The following TNRC6B variants were observed in gnomAD, a reference collection of about 807,000 sequenced individuals.
The protein encoded by TNRC6B is trinucleotide repeat containing adaptor 6B, also known as trinucleotide repeat-containing gene 6B protein.
Under a neutral mutation model 203.6 loss-of-function variants are expected in TNRC6B, and 52 were observed. The observed-to-expected ratio is 0.26, with a 90% CI of 0.20 to 0.32. The LOEUF (loss-of-function observed/expected upper bound fraction) is 0.32. Among genes scored for constraint, TNRC6B ranks in the 10% least tolerant of loss-of-function variants. TNRC6B has a pLI of 1.00. For missense variants in TNRC6B, 1,923 were observed against 2,286.2 expected (o/e 0.84, Z 3.24); for synonymous variants, 838 against 845.7 (o/e 0.99, Z 0.16).
At chr22:40,185,874 AC>A (rs1281790729) in intron 1 of TNRC6B, among the ~76,000 whole-genome samples, 1 of 152,188 alleles carries the variant, frequency 6.6e-6, no homozygotes, top group Non-Finnish European at 1.5e-5. Flanking sequence ...TGGCCATGCA[AC>A]TAGGGACCAG....
chr22:40,114,205 AAT>A (rs2068366742), intron 1 of TNRC6B, among the ~76,000 whole-genome samples: 1 of 152,182 alleles, frequency 6.6e-6, no homozygotes, highest in African/African-American at 2.4e-5. Context: ...CAGCAAAATA[AAT>A]ATAGTTTGTT....
chr22:40,075,720 T>C (rs1370014881), intron 1 of TNRC6B, among the ~76,000 whole-genome samples: 8 of 152,200 alleles, frequency 5.3e-5, no homozygotes, highest in African/African-American at 1.9e-4. Flanking sequence ...CTGGCTTCTT[T>C]TTGATTACTT....
chr22:40,267,127 T>G, intron 5 of TNRC6B, 91 bp downstream of exon 5: 1 of 1,340,856 alleles, frequency 7.5e-7, no homozygotes, highest in Non-Finnish European at 9.9e-7. Flanking sequence ...CAACTTAGTT[T>G]TGTTCTGAGA....
chr22:40,059,974 C>A (rs976339547), intron 1 of TNRC6B, among the ~76,000 whole-genome samples: 1 of 151,598 alleles, frequency 6.6e-6, no homozygotes, highest in African/African-American at 2.4e-5. Context: ...AGGCACACAC[C>A]ACCATTGCCT....
At chr22:40,128,697 T>TA (rs796649196) in intron 3 of TNRC6B, among the ~76,000 whole-genome samples, 9 of 151,898 alleles carry the variant, frequency 5.9e-5, no homozygotes, top group African/African-American at 2.2e-4. Context: ...CTCTCTTTTT[T>TA]TTTTTGGTAG....
chr22:40,260,594 A>G (rs183799782), intron 3 of TNRC6B, among the ~76,000 whole-genome samples: 2 of 152,322 alleles, frequency 1.3e-5, no homozygotes, highest in African/African-American at 4.8e-5. Context: ...TGTTTAGCCC[A>G]TCTAGGCCAG....
At chr22:40,154,863 ATATATATAT>A (rs2068803272) in intron 3 of TNRC6B, among the ~76,000 whole-genome samples, 3 of 28,390 alleles carry the variant, frequency 1.1e-4, no homozygotes, top group Non-Finnish European at 1.7e-4. Context: ...AAAAAAAAAT[ATATATATAT>A]ATATATATAT....
intron 1 of TNRC6B, among the ~76,000 whole-genome samples, chr22:40,074,981 AAC>A (rs1218014585): frequency 6.6e-6 from 1 of 151,466 alleles, no homozygotes; most frequent in Non-Finnish European, 1.5e-5. Context: ...GTTACCATAA[AAC>A]ACATGCAATT....
intron 11 of TNRC6B, among the ~76,000 whole-genome samples, chr22:40,284,050 G>T (rs1349596211): frequency 6.6e-6 from 1 of 152,222 alleles, no homozygotes; most frequent in African/African-American, 2.4e-5. Context: ...GAGGTGATCA[G>T]GGTGGCGAAG....
At chr22:40,153,370 C>T (rs1293213724) in intron 3 of TNRC6B, among the ~76,000 whole-genome samples, 2 of 152,032 alleles carry the variant, frequency 1.3e-5, no homozygotes, top group Middle Eastern at 6.3e-3. Flanking sequence ...GTCAGCGATT[C>T]AGTGGCCTAG....
chr22:40,113,495 C>A (rs988228218), intron 1 of TNRC6B, among the ~76,000 whole-genome samples: 3 of 152,114 alleles, frequency 2.0e-5, no homozygotes, highest in African/African-American at 4.8e-5. Flanking sequence ...GGTGGGACTA[C>A]AGGTGCATAC....
intron 3 of TNRC6B, among the ~76,000 whole-genome samples, chr22:40,251,812 T>C (rs1195256070): frequency 6.6e-6 from 1 of 152,238 alleles, no homozygotes; most frequent in Non-Finnish European, 1.5e-5. Flanking sequence ...CAACAGCTTT[T>C]AATTTACAGA....
intron 1 of TNRC6B, among the ~76,000 whole-genome samples, chr22:40,063,366 C>T (rs931387248): frequency 6.6e-6 from 1 of 152,188 alleles, no homozygotes; most frequent in African/African-American, 2.4e-5. Flanking sequence ...AGTCCTCCAA[C>T]TTTGTTCTTT....
intron 3 of TNRC6B, among the ~76,000 whole-genome samples, chr22:40,132,963 A>ATATATATATATAT (rs1555884671): frequency 4.9e-5 from 4 of 80,920 alleles, no homozygotes; most frequent in African/African-American, 1.7e-4. Flanking sequence ...AAAAAAAAAA[A>ATATATATATATAT]AAAAAAATAT....
intron 1 of TNRC6B, among the ~76,000 whole-genome samples, chr22:40,048,028 C>CT (rs2067707149): frequency 6.6e-6 from 1 of 152,178 alleles, no homozygotes; most frequent in African/African-American, 2.4e-5. Flanking sequence ...TGAAAAAATA[C>CT]TTAAATGGAG....
intron 16 of TNRC6B, among the ~76,000 whole-genome samples, 185 bp from the exon 17 acceptor site, chr22:40,310,632 G>T (rs2294347): frequency 1.3e-5 from 2 of 152,178 alleles, no homozygotes; most frequent in African/African-American, 4.8e-5. Context: ...GAGGCGAAAT[G>T]ACTTGTTGTT....
At chr22:40,309,559 T>A (rs1392960967) in intron 16 of TNRC6B, among the ~76,000 whole-genome samples, 1 of 152,260 alleles carries the variant, frequency 6.6e-6, no homozygotes, top group Admixed American at 6.5e-5. Flanking sequence ...TTGTAAAATC[T>A]GTTTGTGGAC....
At chr22:40,262,738 T>C (rs780823411) in intron 4 of TNRC6B, among the ~76,000 whole-genome samples, 25 of 152,264 alleles carry the variant, frequency 1.6e-4, no homozygotes, top group Admixed American at 5.2e-4. Context: ...AAGGTTCTAC[T>C]AGAAGTTTTG....
At chr22:40,253,230 C>T (rs1332806678) in intron 3 of TNRC6B, among the ~76,000 whole-genome samples, 8 of 151,028 alleles carry the variant, frequency 5.3e-5, no homozygotes, top group African/African-American at 1.5e-4. Context: ...TACAGGCACC[C>T]GCCACCATGC....
Sources: gnomAD v4.1 joint callset for allele counts (sites outside exome capture counted in the v4.1 genomes callset) on GRCh38, gnomAD v4.1.1 for gene constraint, MANE v1.5 for transcripts, NCBI Gene and HGNC (gene_info 2026-07-23, HGNC 2026-07-21) for gene names.